DAPP1: variants seen among roughly 807,000 people sequenced by gnomAD.
The protein encoded by DAPP1 is dual adaptor of phosphotyrosine and 3-phosphoinositides 1, also known as dual adapter for phosphotyrosine and 3-phosphotyrosine and 3-phosphoinositide.
In DAPP1, 20 loss-of-function variants were observed where a neutral mutation model predicts 41.5. The ratio of observed to expected loss-of-function variants is 0.48; its 90% CI spans 0.34 to 0.70. The LOEUF is 0.70. DAPP1 is among the 30% of genes least tolerant of loss of function. The pLI, the probability that DAPP1 is intolerant of heterozygous loss-of-function variation, is 0.01. For synonymous variants in DAPP1, 113 were observed against 116.2 expected (o/e 0.97, Z 0.18); for missense variants, 233 against 333.4 (o/e 0.70, Z 2.35).
Position 99,870,081 on chromosome 4 carries a change from A to T in DAPP1, c.*1896A>T, listed in dbSNP as rs1451387428. On this transcript the variant is annotated 3_prime_UTR_variant, in exon 9 of 9. Transcript: ENST00000512369. ...TTTTACTATGTTTACCTTTTATAAAACATAACCTGTTTATTTATATTCTTT... is the reference window on the plus strand; with the variant it reads ...TTTTACTATGTTTACCTTTTATAAATCATAACCTGTTTATTTATATTCTTT... 6.6e-6 allele frequency: 1 copy of T among 152,144 alleles called. No individual in the cohort carries two copies. Among genetic ancestry groups the T allele is most frequent in the Non-Finnish European group, 1.5e-5 (1 of 68,022 alleles). The allele number at this position is 152,144 out of a possible 1,614,324, so 9.4% of individuals were successfully genotyped here.
chr4:99,856,065 T>A (rs1175126707), intron 4 of DAPP1, among the ~76,000 whole-genome samples: 1 of 152,198 alleles, frequency 6.6e-6, no homozygotes, highest in Admixed American at 6.5e-5. Context: ...CATGATAGGA[T>A]TAAATTTAAT....
At chr4:99,833,872 G>C (rs969231471) in intron 1 of DAPP1, among the ~76,000 whole-genome samples, 2 of 152,176 alleles carry the variant, frequency 1.3e-5, no homozygotes, top group African/African-American at 4.8e-5. Flanking sequence ...CGCATACTAA[G>C]CACTGCTTTA....
chr4:99,826,553 G>A (rs1250423928), intron 1 of DAPP1, among the ~76,000 whole-genome samples: 1 of 152,198 alleles, frequency 6.6e-6, no homozygotes, highest in Non-Finnish European at 1.5e-5. Flanking sequence ...AAGACATTTT[G>A]TCATCAAGAA....
At chr4:99,859,869 T>C (rs909210369) in intron 4 of DAPP1, among the ~76,000 whole-genome samples, 15 of 152,146 alleles carry the variant, frequency 9.9e-5, no homozygotes, top group Admixed American at 2.6e-4. Context: ...CTGCTGCCAC[T>C]GTCACTGCCA....
chr4:99,851,273 G>T lies in DAPP1; in HGVS notation c.359-1945G>T, dbSNP rs1723847597. ...AAAAGAGAGCACAATGTGCAAGAATGGGACGGTTCTGATAATGGCAAAATC... is the reference window on the plus strand; with the variant it reads ...AAAAGAGAGCACAATGTGCAAGAATTGGACGGTTCTGATAATGGCAAAATC... On this transcript the variant is annotated intron_variant, in intron 3 of 8. Coordinates refer to ENST00000512369, the MANE Select transcript of DAPP1 (RefSeq NM_014395.3). Among the ~76,000 whole-genome samples the T allele has an allele frequency of 3.3e-5, 5 of 152,284 alleles. No homozygotes were observed. The South Asian group carries it at 1.0e-3, about 32-fold the overall frequency.
At chr4:99,829,834 T>C (rs1291294079) in intron 1 of DAPP1, among the ~76,000 whole-genome samples, 1 of 152,168 alleles carries the variant, frequency 6.6e-6, no homozygotes, top group African/African-American at 2.4e-5. Context: ...AGCAAAAATA[T>C]AGAGAAAAAA....
At chr4:99,831,547 A>T (rs1409258861) in intron 1 of DAPP1, among the ~76,000 whole-genome samples, 1 of 152,150 alleles carries the variant, frequency 6.6e-6, no homozygotes, top group African/African-American at 2.4e-5. Context: ...ATGGCTCTAG[A>T]TTTCTTACTC....
intron 1 of DAPP1, among the ~76,000 whole-genome samples, chr4:99,822,951 C>T (rs954579435): frequency 6.6e-5 from 10 of 152,136 alleles, no homozygotes; most frequent in African/African-American, 2.4e-4. Flanking sequence ...TCATGCTTCC[C>T]CTGACCCTGC....
chr4:99,834,195 A>C (rs550354760), intron 1 of DAPP1, among the ~76,000 whole-genome samples: 1 of 152,340 alleles, frequency 6.6e-6, no homozygotes, highest in South Asian at 2.1e-4. Flanking sequence ...AGAAAATAAA[A>C]ATAATAAATA....
At chr4:99,853,654 C>G (rs1314493351) in intron 4 of DAPP1, among the ~76,000 whole-genome samples, 2 of 152,006 alleles carry the variant, frequency 1.3e-5, no homozygotes, top group Non-Finnish European at 2.9e-5. Context: ...ATCTCTACAA[C>G]AAACTTTAAA....
rs563321643 is a variant in DAPP1 at position 99,835,604 on chromosome 4, G to A, written c.102-19G>A. The A allele has an allele frequency of 6.8e-5, 110 of 1,610,732 alleles. 2 individuals carry two copies. In the South Asian group the frequency reaches 9.9e-4, roughly 14 times the overall value. On this transcript the variant is annotated intron_variant, in intron 1 of 8. Transcript: ENST00000512369. ...GCCATGGTTTGGCCTGAGTGAAAGCGCTGTTCCCTCCTTTCTAGGTGGTAT... is the reference window on the plus strand; with the variant it reads ...GCCATGGTTTGGCCTGAGTGAAAGCACTGTTCCCTCCTTTCTAGGTGGTAT...
At chr4:99,866,930 T>C (rs1248940463) in intron 8 of DAPP1, among the ~76,000 whole-genome samples, 1 of 151,678 alleles carries the variant, frequency 6.6e-6, no homozygotes. Context: ...CCACCACGCC[T>C]GGTTAATTTT....
intron 3 of DAPP1, among the ~76,000 whole-genome samples, chr4:99,845,549 G>A (rs1197042335): frequency 6.6e-6 from 1 of 152,186 alleles, no homozygotes; most frequent in African/African-American, 2.4e-5. Flanking sequence ...GTAGGATATG[G>A]CAGGGCTGTA....
chr4:99,861,458 G>T (rs1444746521), intron 4 of DAPP1, 120 bp from the exon 5 acceptor site: 3 of 1,086,578 alleles, frequency 2.8e-6, no homozygotes, highest in Admixed American at 2.2e-5. Flanking sequence ...GGTGAAAAAT[G>T]ATAGACAGTA....
At chr4:99,853,466 T>A in intron 4 of DAPP1, 118 bp downstream of exon 4, 1 of 1,352,716 alleles carries the variant, frequency 7.4e-7, no homozygotes, top group Non-Finnish European at 9.9e-7. Flanking sequence ...ATATAAAACT[T>A]GGAAAGGAAT....
In DAPP1 at chr4:99,868,490, C is replaced by T; in HGVS notation, c.*305C>T. 1 of 319,508 alleles carries T rather than the reference C, an allele frequency of 3.1e-6. No individual in the cohort carries two copies. Among genetic ancestry groups the T allele is most frequent in the Non-Finnish European group, 6.0e-6 (1 of 167,676 alleles). The allele number at this position is 319,508 out of a possible 1,614,324, so 19.8% of individuals were successfully genotyped here. A position where few individuals can be genotyped will look rare whatever the true frequency, so the allele number is the denominator to read the frequency against. On this transcript the variant is annotated 3_prime_UTR_variant, in exon 9 of 9. Coordinates refer to ENST00000512369, the MANE Select transcript of DAPP1 (RefSeq NM_014395.3). ...GGAAGAGGAAGGGTTTTTGTTTTCA[C>T]TCATTGTGGTCCCCAAGCCTATTGA... is the stretch of plus-strand genomic sequence containing the variant.
At chr4:99,839,009 G>A (rs891415153) in intron 2 of DAPP1, among the ~76,000 whole-genome samples, 1 of 152,140 alleles carries the variant, frequency 6.6e-6, no homozygotes, top group Non-Finnish European at 1.5e-5. Context: ...GAGAAAGACC[G>A]TTTCAGGAAA....
chr4:99,841,364 A>G (rs1013447233), intron 3 of DAPP1, among the ~76,000 whole-genome samples: 9 of 152,232 alleles, frequency 5.9e-5, no homozygotes, highest in Non-Finnish European at 1.2e-4. Flanking sequence ...TCTAGTATAC[A>G]TGAAGTGCAC....
intron 1 of DAPP1, among the ~76,000 whole-genome samples, chr4:99,832,510 TG>T (rs1363680570): frequency 6.6e-6 from 1 of 152,204 alleles, no homozygotes; most frequent in Non-Finnish European, 1.5e-5. Context: ...GGTGGCTGCC[TG>T]GAAAGCTCTA....
Sources: gnomAD v4.1 joint callset for allele counts (sites outside exome capture counted in the v4.1 genomes callset) on GRCh38, gnomAD v4.1.1 for gene constraint, MANE v1.5 for transcripts, NCBI Gene and HGNC (gene_info 2026-07-23, HGNC 2026-07-21) for gene names.